TTF2: variants seen among roughly 807,000 people sequenced by gnomAD.
The protein encoded by TTF2 is RNA polymerase II termination factor.
Under a neutral mutation model 142.4 loss-of-function variants are expected in TTF2, and 108 were observed. The ratio of observed to expected loss-of-function variants is 0.76; its 90% confidence interval spans 0.65 to 0.89. The LOEUF is 0.89. Among genes scored for constraint, TTF2 ranks in the 40% least tolerant of loss-of-function variants. The probability of loss-of-function intolerance (pLI) is 0.00; values close to 1 mark genes in which losing one functional copy is unlikely to be tolerated. For missense variants in TTF2, 1,327 were observed against 1,379.8 expected (o/e 0.96, Z 0.61); for synonymous variants, 483 against 506.2 (o/e 0.95, Z 0.61).
intron 7 of TTF2, 79 bp from the exon 8 acceptor site, chr1:117,077,837 A>G (rs1370304943): frequency 5.0e-5 from 78 of 1,569,762 alleles, no homozygotes; most frequent in Non-Finnish European, 6.6e-5. Flanking sequence ...ATACAGGGCC[A>G]TTTGTAGCTA....
At chr1:117,095,493 A>G (rs920947356) in intron 19 of TTF2, 126 bp downstream of exon 19, 1 of 764,594 alleles carries the variant, frequency 1.3e-6, no homozygotes, top group African/African-American at 1.8e-5. Flanking sequence ...TATAGCACAC[A>G]TTCCCTGTGA....
intron 18 of TTF2, chr1:117,094,877 A>T (rs549738158): frequency 2.9e-6 from 1 of 339,270 alleles, no homozygotes; most frequent in South Asian, 2.3e-5. Flanking sequence ...GGGGGTTGGG[A>T]GGACCTCCAA....
In TTF2 at chr1:117,090,333, A is replaced by G; in HGVS notation, c.2496+125A>G. On this transcript the variant is annotated intron_variant, in intron 14 of 22. Transcript: ENST00000369466. This position sits in a 1 kb window ranked among gnomAD's most constrained non-coding sequence, Gnocchi z 4.8. ...CTGAGTTTCCCATCCTCCTGTGAGG[A>G]GGCCCCAGGGTTGCAGTTCCATGCC... is the stretch of plus-strand genomic sequence containing the variant. 5.1e-6 allele frequency: 7 copies of G among 1,383,850 alleles called. No individual in the cohort carries two copies. The highest frequency in any genetic ancestry group is 6.9e-6 in the Non-Finnish European group (7 of 1,012,372). 85.7% of individuals were successfully genotyped at this position (1,383,850 alleles called of 1,614,324 possible). A position where few individuals can be genotyped will look rare whatever the true frequency, so the allele number is the denominator to read the frequency against.
In TTF2 at chr1:117,099,006, G is replaced by T; in HGVS notation, c.3344+99G>T. The T allele has an allele frequency of 8.3e-7, 1 of 1,198,082 alleles. No homozygotes were observed. Among genetic ancestry groups the T allele is most frequent in the Non-Finnish European group, 1.2e-6 (1 of 847,850 alleles). 74.2% of individuals were successfully genotyped at this position (1,198,082 alleles called of 1,614,324 possible). A position where few individuals can be genotyped will look rare whatever the true frequency, so the allele number is the denominator to read the frequency against. The stretch of plus-strand genomic sequence containing the variant: ...GTTTTCATAGAATTTAAAGTATTTG[G>T]TGATGACTTTACTGATGATGCCCCT... On this transcript the variant is annotated intron_variant, in intron 22 of 22. Coordinates refer to ENST00000369466, the MANE Select transcript of TTF2 (RefSeq NM_003594.4). The surrounding 1 kb of genome is among the most constrained non-coding windows in gnomAD (Gnocchi z 4.3).
chr1:117,091,532 C>A, intron 16 of TTF2, 122 bp downstream of exon 16: 1 of 1,046,430 alleles, frequency 9.6e-7, no homozygotes, highest in Non-Finnish European at 1.4e-6. Flanking sequence ...AACTAAGACC[C>A]TCAAACCAGA....
At chr1:117,078,937 A>T (rs1436545278) in intron 8 of TTF2, among the ~76,000 whole-genome samples, 1 of 152,144 alleles carries the variant, frequency 6.6e-6, no homozygotes, top group Non-Finnish European at 1.5e-5. Context: ...ATAGGGTCAG[A>T]GGTCTTGGTT....
chr1:117,086,431 A>T lies in TTF2; in HGVS notation c.2069A>T (p.Asp690Val). The change falls in exon 12 of 23, where the codon GAC becomes GTC. Residue 690 changes from aspartate to valine, a missense_variant. Physicochemically the swap from Asp to Val is radical, Grantham distance 152 (BLOSUM62 -3). Coordinates refer to ENST00000369466, the MANE Select transcript of TTF2 (RefSeq NM_003594.4). The surrounding 1 kb of genome is among the most constrained non-coding windows in gnomAD (Gnocchi z 4.2). ...TGTCTACGCAGCCTCTCTACATATGACATCGTGATCACTACCTATAGCCTC... is the reference window on the plus strand; with the variant it reads ...TGTCTACGCAGCCTCTCTACATATGTCATCGTGATCACTACCTATAGCCTC... The part of the protein sequence containing the change: ...DSRARVLSTY[D>V]IVITTYSLVA... 6.2e-7 allele frequency: 1 copy of T among 1,613,930 alleles called. No homozygotes were observed. The highest frequency in any genetic ancestry group is 1.7e-5 in the Admixed American group (1 of 60,020).
chr1:117,095,220 A>G (rs1450368846), intron 18 of TTF2, 89 bp from the exon 19 acceptor site: 3 of 1,240,962 alleles, frequency 2.4e-6, no homozygotes, highest in Non-Finnish European at 2.4e-6. Flanking sequence ...CACAGACGCC[A>G]TGTAGGAGGC....
chr1:117,106,608 C>G lies in TTF2; in HGVS notation c.*5084C>G, dbSNP rs1368039218. The G allele has an allele frequency of 6.6e-6, 1 of 152,228 alleles. No homozygotes were observed. The highest frequency in any genetic ancestry group is 6.5e-5 in the Admixed American group (1 of 15,274). The allele number at this position is 152,228 out of a possible 1,614,324, so 9.4% of individuals were successfully genotyped here. A position where few individuals can be genotyped will look rare whatever the true frequency, so the allele number is the denominator to read the frequency against. On this transcript the variant is annotated 3_prime_UTR_variant, in exon 23 of 23. Coordinates refer to ENST00000369466, the MANE Select transcript of TTF2 (RefSeq NM_003594.4). ...ACAGGCATTAGTCAACCCCGTGTGG[C>G]TGTGAATCAGCCATGATGCTGAGTG...
chr1:117,086,617 T>C lies in TTF2; in HGVS notation c.2160+95T>C. The C allele has an allele frequency of 4.8e-6, 4 of 829,128 alleles. No homozygotes were observed. Among genetic ancestry groups the C allele is most frequent in the Non-Finnish European group, 8.1e-6 (4 of 494,462 alleles). The allele number at this position is 829,128 out of a possible 1,614,324, so 51.4% of individuals were successfully genotyped here. A position where few individuals can be genotyped will look rare whatever the true frequency, so the allele number is the denominator to read the frequency against. The stretch of plus-strand genomic sequence containing the variant: ...CTCCACGATAGCAAGAGGACCTCCC[T>C]GGAGGTCAGGAATGCTGTAAATGAT... On this transcript the variant is annotated intron_variant, in intron 12 of 22. Coordinates refer to ENST00000369466, the MANE Select transcript of TTF2 (RefSeq NM_003594.4). The surrounding 1 kb of genome is among the most constrained non-coding windows in gnomAD (Gnocchi z 4.2).
rs917310043 is a variant in TTF2, at chr1:117,105,888, T to C, written c.*4364T>C. 6.6e-6 allele frequency: 1 copy of C among 152,184 alleles called. No homozygotes were observed. The highest frequency in any genetic ancestry group is 2.4e-5 in the African/African-American group (1 of 41,448). 9.4% of individuals were successfully genotyped at this position (152,184 alleles called of 1,614,324 possible). On this transcript the variant is annotated 3_prime_UTR_variant, in exon 23 of 23. Coordinates refer to ENST00000369466, the MANE Select transcript of TTF2 (RefSeq NM_003594.4). This position sits in a 1 kb window ranked among gnomAD's most constrained non-coding sequence, Gnocchi z 4.7. ...ACACTGAGTTGTTTCCTTGCTCTGA[T>C]TGTCTGTTGCTCAATGAAATGGCTT...
Position 117,074,460 on chromosome 1 carries a change from T to C in TTF2, c.286-410T>C, listed in dbSNP as rs58025244. ...GTATCGTGAAGAAATGAGTCCTTTG[T>C]GGGTTTGGCACGTCATCTTTTCTAG... On this transcript the variant is annotated intron_variant, in intron 4 of 22. Transcript: ENST00000369466. Among the ~76,000 whole-genome samples the C allele has an allele frequency of 5.5e-3, 831 of 152,292 alleles. 11 individuals carry two copies. The highest frequency in any genetic ancestry group is 0.019 in the African/African-American group (793 of 41,574).
Position 117,090,854 on chromosome 1 carries a change from T to C in TTF2, c.2588+231T>C, listed in dbSNP as rs142842026. 0.03 allele frequency among the ~76,000 whole-genome samples: 4,627 copies of C among 152,268 alleles called. 113 individuals carry two copies. Among genetic ancestry groups the C allele is most frequent in the Middle Eastern group, 0.054 (16 of 294 alleles). ...TTGAACCTACTCTTCATTGGCTTCC[T>C]TGCATAGAAGTCATAGGGTGTGGTC... is the stretch of plus-strand genomic sequence containing the variant. On this transcript the variant is annotated intron_variant, in intron 15 of 22. Coordinates refer to ENST00000369466, the MANE Select transcript of TTF2 (RefSeq NM_003594.4). The surrounding 1 kb of genome is among the most constrained non-coding windows in gnomAD (Gnocchi z 4.8).
rs980536984 is a variant in TTF2, at chr1:117,093,029, G to A, written c.2976+128G>A. The A allele has an allele frequency of 7.6e-6, 8 of 1,048,070 alleles. No individual in the cohort carries two copies. Among genetic ancestry groups the A allele is most frequent in the East Asian group, 4.8e-5 (2 of 41,274 alleles). The allele number at this position is 1,048,070 out of a possible 1,614,324, so 64.9% of individuals were successfully genotyped here. On this transcript the variant is annotated intron_variant, in intron 18 of 22. Transcript: ENST00000369466. This position sits in a 1 kb window ranked among gnomAD's most constrained non-coding sequence, Gnocchi z 4.5. Reference sequence around the variant, plus strand: ...GCAGAGCTAGAGCCGTTAAATTCTAGCTGATCAGATTCTCCCTCCAGTCTT... The same window carrying A: ...GCAGAGCTAGAGCCGTTAAATTCTAACTGATCAGATTCTCCCTCCAGTCTT...
At chr1:117,078,393 A>AG (rs1191384696) in intron 8 of TTF2, among the ~76,000 whole-genome samples, 1 of 152,242 alleles carries the variant, frequency 6.6e-6, no homozygotes, top group Non-Finnish European at 1.5e-5. Context: ...GGCAGAAATA[A>AG]GGGGTGCCTT....
At position 117,106,940 on chromosome 1, in the gene TTF2, G is replaced by GTGTT. The variant is rs1358088154; in HGVS notation, c.*5418_*5421dup. 1 of 152,212 alleles carries GTGTT rather than the reference G, an allele frequency of 6.6e-6. No homozygotes were observed. Among genetic ancestry groups the GTGTT allele is most frequent in the Admixed American group, 6.5e-5 (1 of 15,286 alleles). The allele number at this position is 152,212 out of a possible 1,614,324, so 9.4% of individuals were successfully genotyped here. On this transcript the variant is annotated 3_prime_UTR_variant, in exon 23 of 23. Coordinates refer to ENST00000369466, the MANE Select transcript of TTF2 (RefSeq NM_003594.4). Reference sequence around the variant, plus strand: ...ATGTTTATTATCCAAGACAGCCAAGGTGTTTATCCTGTTACAACATCCCAG... The same window carrying GTGTT: ...ATGTTTATTATCCAAGACAGCCAAGGTGTTTGTTTATCCTGTTACAACATCCCAG...
rs760094426 is a variant in TTF2, at chr1:117,088,960, T to C, written c.2320T>C (p.Leu774=). Residue 774 remains leucine (L), a synonymous_variant, in exon 13 of 23, where the codon TTG becomes CTG. Transcript: ENST00000369466. ...VTGTPIQNNL[L]DMYSLLKFLR... ...TGGAACCCCCATTCAAAACAACTTA[T>C]TGGATATGTATTCGCTGCTGAAGTG... 5.0e-6 allele frequency: 8 copies of C among 1,612,908 alleles called. No homozygotes were observed. Among genetic ancestry groups the C allele is most frequent in the Admixed American group, 1.7e-5 (1 of 59,708 alleles).
rs79585941 is a variant in TTF2 at position 117,076,967 on chromosome 1, A to G, written c.1573+144A>G. 656 of 530,208 alleles carry G rather than the reference A, an allele frequency of 1.2e-3. 5 individuals carry two copies. The highest frequency in any genetic ancestry group is 0.011 in the African/African-American group (566 of 51,458). The allele number at this position is 530,208 out of a possible 1,614,324, so 32.8% of individuals were successfully genotyped here. A position where few individuals can be genotyped will look rare whatever the true frequency, so the allele number is the denominator to read the frequency against. On this transcript the variant is annotated intron_variant, in intron 7 of 22. Coordinates refer to ENST00000369466, the MANE Select transcript of TTF2 (RefSeq NM_003594.4). This position sits in a 1 kb window ranked among gnomAD's most constrained non-coding sequence, Gnocchi z 4.6. ...AAAAAGGTGAGTACAGTACAGTAAGATATTTTGAGAGAGAAAGAGACAGAA... is the reference window on the plus strand; with the variant it reads ...AAAAAGGTGAGTACAGTACAGTAAGGTATTTTGAGAGAGAAAGAGACAGAA...
Position 117,101,587 on chromosome 1 carries a change from C to A in TTF2, c.*63C>A. On this transcript the variant is annotated 3_prime_UTR_variant, in exon 23 of 23. Transcript: ENST00000369466. The surrounding 1 kb of genome is among the most constrained non-coding windows in gnomAD (Gnocchi z 5.9). ...GGTTTGTATTAGGATCTGGGAATAA[C>A]AACCTAACCATGAGCCTTGAACTCT... 17 of 1,451,688 alleles carry A rather than the reference C, an allele frequency of 1.2e-5. No homozygotes were observed. The highest frequency in any genetic ancestry group is 3.1e-5 in the South Asian group (2 of 63,880). The allele number at this position is 1,451,688 out of a possible 1,614,324, so 89.9% of individuals were successfully genotyped here.
Sources: allele counts gnomAD v4.1 joint callset (sites outside exome capture counted in the v4.1 genomes callset), GRCh38; gene constraint gnomAD v4.1.1; non-coding constraint Gnocchi (gnomAD v3.1); transcripts MANE v1.5; gene names NCBI Gene and HGNC (gene_info 2026-07-23, HGNC 2026-07-21).